MEOX1: variants seen among roughly 807,000 people sequenced by gnomAD.
MEOX1 encodes the protein homeobox protein MOX-1.
A neutral mutation model predicts 23.2 loss-of-function variants in MEOX1; 17 were observed. The ratio of observed to expected loss-of-function variants is 0.73; its 90% CI spans 0.50 to 1.10. MEOX1 has a LOEUF of 1.10. MEOX1 is among the 50% of genes least tolerant of loss of function. MEOX1 has a pLI of 0.00. For missense variants in MEOX1, 333 were observed against 332.2 expected (o/e 1.00, Z -0.02); for synonymous variants, 134 against 135.1 (o/e 0.99, Z 0.06).
At chr17:43,648,974 C>T (rs902820111) in intron 1 of MEOX1, among the ~76,000 whole-genome samples, 1 of 152,128 alleles carries the variant, frequency 6.6e-6, no homozygotes. Context: ...AGTGAGGCAC[C>T]GAGGAAGAGC....
chr17:43,661,370 C>A lies in MEOX1; in HGVS notation c.165G>T (p.Ala55=). Residue 55 remains alanine (A), a synonymous_variant, in exon 1 of 3, where the codon GCG becomes GCT. Transcript: ENST00000318579. ...FHQKPDFLAT[A]TAAYPDFSAS... is the part of the protein sequence containing the mutation. The stretch of plus-strand genomic sequence containing the variant: ...CTGAGAAGTCAGGGTACGCTGCCGT[C>A]GCTGTCGCCAGGAAGTCTGGTTTCT... 6.2e-7 allele frequency: 1 copy of A among 1,603,092 alleles called. No homozygotes were observed. Among genetic ancestry groups the A allele is most frequent in the Non-Finnish European group, 8.5e-7 (1 of 1,174,380 alleles).
At chr17:43,653,192 T>G (rs1400344202) in intron 1 of MEOX1, among the ~76,000 whole-genome samples, 1 of 144,930 alleles carries the variant, frequency 6.9e-6, no homozygotes, top group South Asian at 2.2e-4. Context: ...CCAGCTGGAG[T>G]GCAGTGGCAC....
Position 43,641,814 on chromosome 17 carries a change from C to T in MEOX1, c.*96G>A. ...GTCAGGGAAAGATGTGGAGAGGCTGCCCTGGCTGGGGAAGGAAGAGGGTGA... is the reference window on the plus strand; with the variant it reads ...GTCAGGGAAAGATGTGGAGAGGCTGTCCTGGCTGGGGAAGGAAGAGGGTGA... On this transcript the variant is annotated 3_prime_UTR_variant, in exon 3 of 3. Coordinates refer to ENST00000318579, the MANE Select transcript of MEOX1 (RefSeq NM_004527.4). 7.5e-7 allele frequency: 1 copy of T among 1,325,338 alleles called. No individual in the cohort carries two copies. The highest frequency in any genetic ancestry group is 1.0e-6 in the Non-Finnish European group (1 of 968,380). The allele number at this position is 1,325,338 out of a possible 1,614,324, so 82.1% of individuals were successfully genotyped here.
In MEOX1 at chr17:43,661,683, A is replaced by AG. The variant is rs1973149410; in HGVS notation, c.-150_-149insC. ...TTACCCCAGGAACCAAAAAAAAAAAAAAACCCAAAACTAAAGTCTCTCCTT... is the reference window on the plus strand; with the variant it reads ...TTACCCCAGGAACCAAAAAAAAAAAAGAAACCCAAAACTAAAGTCTCTCCTT... On this transcript the variant is annotated 5_prime_UTR_variant, in exon 1 of 3. Transcript: ENST00000318579. 1.8e-6 allele frequency: 1 copy of AG among 552,364 alleles called. No individual in the cohort carries two copies. The highest frequency in any genetic ancestry group is 3.1e-5 in the East Asian group (1 of 31,840). 34.2% of individuals were successfully genotyped at this position (552,364 alleles called of 1,614,324 possible). A position where few individuals can be genotyped will look rare whatever the true frequency, so the allele number is the denominator to read the frequency against.
At chr17:43,651,652 G>A (rs750507235) in intron 1 of MEOX1, among the ~76,000 whole-genome samples, 28 of 152,238 alleles carry the variant, frequency 1.8e-4, no homozygotes, top group Non-Finnish European at 3.7e-4. Context: ...GGGAGTTGGG[G>A]AAAAGGGCCA....
chr17:43,653,215 C>A (rs1310617124), intron 1 of MEOX1, among the ~76,000 whole-genome samples: 1 of 150,644 alleles, frequency 6.6e-6, no homozygotes, highest in Non-Finnish European at 1.5e-5. Flanking sequence ...TCTTGGCTCA[C>A]AGCAACCTCT....
chr17:43,655,222 C>T (rs1190849060), intron 1 of MEOX1, among the ~76,000 whole-genome samples: 1 of 152,100 alleles, frequency 6.6e-6, no homozygotes, highest in African/African-American at 2.4e-5. Context: ...CCTGTAGTCC[C>T]AGCACTTTGG....
At chr17:43,645,369 A>G (rs1471331862) in intron 1 of MEOX1, among the ~76,000 whole-genome samples, 2 of 151,798 alleles carry the variant, frequency 1.3e-5, no homozygotes, top group Non-Finnish European at 1.5e-5. Flanking sequence ...AGTAGAGACG[A>G]CGTTTCACTG....
intron 1 of MEOX1, among the ~76,000 whole-genome samples, chr17:43,645,434 C>T (rs1323461754): frequency 6.6e-6 from 1 of 152,154 alleles, no homozygotes; most frequent in Non-Finnish European, 1.5e-5. Flanking sequence ...GCCTTGGCCT[C>T]CCAAAGTGCT....
In MEOX1 at chr17:43,641,706, G is replaced by A; in HGVS notation, c.*204C>T. 3.7e-6 allele frequency: 2 copies of A among 546,954 alleles called. No individual in the cohort carries two copies. The highest frequency in any genetic ancestry group is 6.4e-6 in the Non-Finnish European group (2 of 311,504). The allele number at this position is 546,954 out of a possible 1,614,324, so 33.9% of individuals were successfully genotyped here. On this transcript the variant is annotated 3_prime_UTR_variant, in exon 3 of 3. Coordinates refer to ENST00000318579, the MANE Select transcript of MEOX1 (RefSeq NM_004527.4). ...GAGAGTGTGGGAGCAAAGGCCCTAG[G>A]GAAGAGGCTGCTAAGAGGCTGGACA...
chr17:43,654,615 G>A (rs1972979222), intron 1 of MEOX1, among the ~76,000 whole-genome samples: 1 of 152,112 alleles, frequency 6.6e-6, no homozygotes, highest in Admixed American at 6.5e-5. Context: ...GAGGCCAAGA[G>A]TTCAAGACCA....
chr17:43,661,194 T>C lies in MEOX1; in HGVS notation c.341A>G (p.Lys114Arg). 6.2e-7 allele frequency: 1 copy of C among 1,607,490 alleles called. No homozygotes were observed. The change falls in exon 1 of 3, where the codon AAG becomes AGG. Residue 114 changes from lysine to arginine, a missense_variant. Transcript: ENST00000318579. ...GCCCAGGCTGCTGGTCCCCATTTCC[T>C]TGGAACCCCCTGCCGGGCCTGAGTT... ...RPNSGPAGGS[K>R]EMGTSSLGLV...
chr17:43,644,219 C>T (rs1350963570), intron 1 of MEOX1, among the ~76,000 whole-genome samples: 1 of 152,234 alleles, frequency 6.6e-6, no homozygotes, highest in East Asian at 1.9e-4. Context: ...CCTCACCACT[C>T]AAAGGAGTGC....
chr17:43,656,039 C>T (rs1320048797), intron 1 of MEOX1, among the ~76,000 whole-genome samples: 2 of 152,146 alleles, frequency 1.3e-5, no homozygotes, highest in East Asian at 3.8e-4. Flanking sequence ...TAAGATGTCC[C>T]AGGTAAGAAA....
rs531863811 is a variant in MEOX1 at position 43,652,160 on chromosome 17, G to A, written c.470-8500C>T. Among the ~76,000 whole-genome samples, 7 of 152,222 alleles carry A rather than the reference G, an allele frequency of 4.6e-5. No homozygotes were observed. In the South Asian group the frequency reaches 1.2e-3, roughly 27 times the overall value. On this transcript the variant is annotated intron_variant, in intron 1 of 2. Coordinates refer to ENST00000318579, the MANE Select transcript of MEOX1 (RefSeq NM_004527.4). ...GTGGAGTTGCTGTCTCCCCTCCCAC[G>A]CTGGCCACTCTGGACCATAAAACTT...
At chr17:43,642,615 C>T (rs1972716280) in intron 2 of MEOX1, among the ~76,000 whole-genome samples, 2 of 152,124 alleles carry the variant, frequency 1.3e-5, no homozygotes, top group South Asian at 2.1e-4. Flanking sequence ...TCAAATATTA[C>T]GGTTATTATT....
intron 2 of MEOX1, 23 bp from the exon 3 acceptor site, chr17:43,642,055 C>A: frequency 6.2e-7 from 1 of 1,607,748 alleles, no homozygotes; most frequent in Non-Finnish European, 8.5e-7. Flanking sequence ...GCAAAGGAGC[C>A]TGGTCACTCC....
intron 1 of MEOX1, among the ~76,000 whole-genome samples, chr17:43,644,035 A>G (rs1040910317): frequency 2.6e-5 from 4 of 152,060 alleles, no homozygotes; most frequent in Non-Finnish European, 5.9e-5. Flanking sequence ...CAAAGCCTCA[A>G]ACTATGGTCC....
At chr17:43,644,983 A>C (rs1211019682) in intron 1 of MEOX1, among the ~76,000 whole-genome samples, 2 of 152,114 alleles carry the variant, frequency 1.3e-5, no homozygotes, top group Non-Finnish European at 2.9e-5. Flanking sequence ...CTGAATGGTT[A>C]TCTCTTGAGC....
Sources: allele counts gnomAD v4.1 joint callset (sites outside exome capture counted in the v4.1 genomes callset), GRCh38; gene constraint gnomAD v4.1.1; transcripts MANE v1.5; gene names NCBI Gene and HGNC (gene_info 2026-07-23, HGNC 2026-07-21).